The following DCTN1 variants were observed in gnomAD, a reference collection of about 807,000 sequenced individuals.
DCTN1 encodes the protein dynactin subunit 1.
A neutral mutation model predicts 161.2 loss-of-function variants in DCTN1; 61 were observed. That is an observed-to-expected ratio of 0.38 (90% CI 0.31 to 0.47). The LOEUF (loss-of-function observed/expected upper bound fraction) is 0.47, where lower values mean the gene tolerates loss of function less well. DCTN1 is among the 20% of genes least tolerant of loss of function. The pLI is 0.99. For synonymous variants in DCTN1, 653 were observed against 632.4 expected, an observed-to-expected ratio of 1.03 and a Z score of -0.49; for missense variants, 1,404 against 1,623.7, an observed-to-expected ratio of 0.86 and a Z score of 2.33.
chr2:74,371,284 G>C (rs1174028051), intron 8 of DCTN1, 108 bp from the exon 9 acceptor site: 4 of 1,601,712 alleles, frequency 2.5e-6, no homozygotes, highest in Non-Finnish European at 3.4e-6. Context: ...CCCAGCCCCA[G>C]GGTGGCCAAC....
rs369249351 is a variant in DCTN1, at chr2:74,366,306, T to C, written c.2698A>G (p.Met900Val). 2.5e-6 allele frequency: 4 copies of C among 1,614,120 alleles called. No individual in the cohort carries two copies. Among genetic ancestry groups the C allele is most frequent in the African/African-American group, 1.3e-5 (1 of 74,938 alleles). Residue 900 changes from methionine (M) to valine (V), a missense_variant, in exon 23 of 32, where the codon ATG (methionine) becomes GTG (valine). Met to Val is a conservative substitution (Grantham distance 21). This residue lies in a region of DCTN1 where 475 missense variants were observed against 489.8 expected (regional missense o/e 0.97). Coordinates refer to ENST00000628224, the MANE Select transcript of DCTN1 (RefSeq NM_004082.5). Reference sequence around the variant, plus strand: ...TGCATGGCTGTGGCCAGCTTGTTCATGGTACTGATGAGGATGTTGCATGAC... The same window carrying C: ...TGCATGGCTGTGGCCAGCTTGTTCACGGTACTGATGAGGATGTTGCATGAC... ...RQSCNILIST[M>V]NKLATAMQEG...
At chr2:74,374,612 G>A in intron 5 of DCTN1, 2 of 1,258,072 alleles carry the variant, frequency 1.6e-6, no homozygotes, top group South Asian at 1.5e-5. Flanking sequence ...GGCTCCGGCA[G>A]GCACCGGAGC....
In DCTN1 at chr2:74,377,703, T is replaced by C. The variant is rs984228363; in HGVS notation, c.303A>G (p.Ala101=). The C allele has an allele frequency of 2.5e-6, 4 of 1,614,000 alleles. No homozygotes were observed. The African/African-American group carries it at 5.3e-5, about 22-fold the overall frequency. ...QSQIQVFEDG[A]DTTSPETPDS... ...CAGGTGTCTCTGGGGAAGTAGTATC[T>C]GCTCCATCTTCAAATACCTGGATCT... Residue 101 remains alanine, a synonymous_variant, in exon 3 of 32, where the codon GCA becomes GCG. Transcript: ENST00000628224.
chr2:74,373,359 C>T (rs1164977079), intron 6 of DCTN1: 1 of 314,876 alleles, frequency 3.2e-6, no homozygotes, highest in East Asian at 7.3e-5. Flanking sequence ...CTCCCAAGGA[C>T]TTTCCCAGGT....
chr2:74,377,954 C>T, intron 2 of DCTN1, 46 bp downstream of exon 2: 1 of 1,610,910 alleles, frequency 6.2e-7, no homozygotes, highest in African/African-American at 1.3e-5. Context: ...GCACATGCGA[C>T]AGACATGTGC....
At chr2:74,382,277 A>C (rs1229124637), upstream of DCTN1, among the ~76,000 whole-genome samples, 9 of 152,208 alleles carry the variant, frequency 5.9e-5, no homozygotes, top group Non-Finnish European at 7.3e-5. Context: ...CGTCAGTATC[A>C]TGAGGTTCAA....
upstream of DCTN1, among the ~76,000 whole-genome samples, chr2:74,382,594 C>CA (rs567355218): frequency 0.26 from 17,085 of 66,482 alleles, 1,748 homozygotes; most frequent in East Asian, 0.56. Flanking sequence ...GACTGAGACT[C>CA]AAAAAAAAAA....
Position 74,364,696 on chromosome 2 carries a change from G to C in DCTN1, c.3196+379C>G, listed in dbSNP as rs1197508601. The C allele has an allele frequency of 4.1e-5, 14 of 339,354 alleles. No individual in the cohort carries two copies. In the East Asian group the frequency reaches 1.0e-3, roughly 25 times the overall value. 21.0% of individuals were successfully genotyped at this position (339,354 alleles called of 1,614,324 possible). ...AGTGTCCAAGCAGAGAAGCAATCAAGAGCAGGTATCGGGCAGGGCTGGATG... is the reference window on the plus strand; with the variant it reads ...AGTGTCCAAGCAGAGAAGCAATCAACAGCAGGTATCGGGCAGGGCTGGATG... On this transcript the variant is annotated intron_variant, in intron 26 of 31. Coordinates refer to ENST00000628224, the MANE Select transcript of DCTN1 (RefSeq NM_004082.5).
At chr2:74,367,217 C>T (rs925968296) in intron 19 of DCTN1, 110 bp from the exon 20 acceptor site, 1 of 1,528,584 alleles carries the variant, frequency 6.5e-7, no homozygotes. Context: ...TAAGTAGGTC[C>T]TCTAGTTTCC....
At chr2:74,381,933 G>A (rs374139238), upstream of DCTN1, among the ~76,000 whole-genome samples, 1 of 152,180 alleles carries the variant, frequency 6.6e-6, no homozygotes, top group African/African-American at 2.4e-5. Context: ...CCCATTGAGA[G>A]GTTGGCCAGG....
chr2:74,368,774 T>A lies in DCTN1; in HGVS notation c.1808A>T (p.His603Leu). The change falls in exon 16 of 32, where the codon CAT (histidine) becomes CTT (leucine). Residue 603 changes from histidine to leucine, a missense_variant. By Grantham distance (99) the His-to-Leu change is moderately conservative. This residue lies in a region of DCTN1 where 278 missense variants were observed against 363.8 expected (regional missense o/e 0.76). Transcript: ENST00000628224. ...GAGCAACAGCACCAGAACGCAGTCA[T>A]GGTCCCCACCTGGCCGAAGGAAGCT... ...PDSFLRPGGD[H>L]DCVLVLLLMP... 6.2e-7 allele frequency: 1 copy of A among 1,614,262 alleles called. No homozygotes were observed. Among genetic ancestry groups the A allele is most frequent in the Non-Finnish European group, 8.5e-7 (1 of 1,180,050 alleles).
Position 74,370,750 on chromosome 2 carries a change from C to A in DCTN1, c.919G>T (p.Ala307Ser), listed in dbSNP as rs764769564. 2 of 1,614,236 alleles carry A rather than the reference C, an allele frequency of 1.2e-6. No individual in the cohort carries two copies. The highest frequency in any genetic ancestry group is 2.2e-5 in the South Asian group (2 of 91,086). ...TCAGCCATCTCCTTGTCCAAAGTGG[C>A]CATCTCAATGGCATCAGCAGTATCA... ...MADTADAIEMATLDKEMAEER... is the reference protein window; with the variant it reads ...MADTADAIEMSTLDKEMAEER... Residue 307 changes from alanine to serine, a missense_variant, in exon 10 of 32, where the codon GCC (alanine) becomes TCC (serine). Ala to Ser is a moderately conservative substitution (Grantham distance 99). Coordinates refer to ENST00000628224, the MANE Select transcript of DCTN1 (RefSeq NM_004082.5). This position sits in a 1 kb window ranked among gnomAD's most constrained non-coding sequence, Gnocchi z 4.4.
upstream of DCTN1, among the ~76,000 whole-genome samples, chr2:74,384,494 A>G (rs1675643775): frequency 6.6e-6 from 1 of 152,052 alleles, no homozygotes; most frequent in Admixed American, 6.5e-5. Flanking sequence ...ATACCACTAA[A>G]ATATCTAGAA....
chr2:74,361,362 G>A lies in DCTN1; in HGVS notation c.*137C>T. ...AAGGTGAAGGGGCAGGACGCTGAAA[G>A]GGTGGGAGTGAAGCTGAACGGGGCA... On this transcript the variant is annotated 3_prime_UTR_variant, in exon 32 of 32. Transcript: ENST00000628224. 1 of 1,227,834 alleles carries A rather than the reference G, an allele frequency of 8.1e-7. No individual in the cohort carries two copies. The highest frequency in any genetic ancestry group is 1.5e-5 in the African/African-American group (1 of 67,502). The allele number at this position is 1,227,834 out of a possible 1,614,324, so 76.1% of individuals were successfully genotyped here. A position where few individuals can be genotyped will look rare whatever the true frequency, so the allele number is the denominator to read the frequency against.
upstream of DCTN1, chr2:74,383,932 T>C (rs1206319253): frequency 6.6e-6 from 1 of 152,230 alleles, no homozygotes; most frequent in Non-Finnish European, 1.5e-5. Context: ...CATTCATTAT[T>C]TTAAGGGAAT....
Position 74,378,203 on chromosome 2 carries a change from G to A in DCTN1, c.76C>T (p.Pro26Ser). Reference sequence around the variant, plus strand: ...TCTACACGGGAGCCCACCCGCAGAGGCCGGGCGCTTGCCTCCGCACTCATC... The same window carrying A: ...TCTACACGGGAGCCCACCCGCAGAGACCGGGCGCTTGCCTCCGCACTCATC... ...SRMSAEASAR[P>S]LRVGSRVEVI... The change falls in exon 2 of 32, where the codon CCT (proline) becomes TCT (serine). Residue 26 changes from proline (P) to serine (S), a missense_variant. By Grantham distance (74) the Pro-to-Ser change is moderately conservative. Transcript: ENST00000628224. The A allele has an allele frequency of 3.1e-6, 5 of 1,612,524 alleles. No homozygotes were observed. The highest frequency in any genetic ancestry group is 4.2e-6 in the Non-Finnish European group (5 of 1,180,040).
rs1156570768 is a variant in DCTN1 at position 74,371,666 on chromosome 2, T to C, written c.516A>G (p.Ser172=). The change falls in exon 8 of 32, where the codon TCA becomes TCG. Residue 172 remains serine, a synonymous_variant. Coordinates refer to ENST00000628224, the MANE Select transcript of DCTN1 (RefSeq NM_004082.5). ...TGCTGCTCAGCTCACCTGCTGACGC[T>C]GAGCCAGAGGGGCCCAGGGAGCTAC... is the stretch of plus-strand genomic sequence containing the variant. The part of the protein sequence containing the change: ...GASSSLGPSG[S]ASAGELSSSE... The C allele has an allele frequency of 1.2e-6, 2 of 1,601,706 alleles. No individual in the cohort carries two copies. The highest frequency in any genetic ancestry group is 1.7e-6 in the Non-Finnish European group (2 of 1,175,474).
chr2:74,378,237 G>A lies in DCTN1; in HGVS notation c.42C>T (p.Ser14=), dbSNP rs535554555. 65 of 1,607,932 alleles carry A rather than the reference G, an allele frequency of 4.0e-5. No homozygotes were observed. The highest frequency in any genetic ancestry group is 4.9e-5 in the Non-Finnish European group (58 of 1,180,004). ...TTGCCTCCGCACTCATCCTGCTGCCGCTGGGCGTCTGAAAGACACAGGTAA... is the reference window on the plus strand; with the variant it reads ...TTGCCTCCGCACTCATCCTGCTGCCACTGGGCGTCTGAAAGACACAGGTAA... ...SKRHVYSRTP[S]GSRMSAEASA... is the part of the protein sequence containing the mutation. Residue 14 remains serine, a synonymous_variant, in exon 2 of 32, where the codon AGC becomes AGT. Coordinates refer to ENST00000628224, the MANE Select transcript of DCTN1 (RefSeq NM_004082.5).
At chr2:74,371,305 A>C in intron 8 of DCTN1, 129 bp from the exon 9 acceptor site, 2 of 1,588,478 alleles carry the variant, frequency 1.3e-6, no homozygotes, top group Non-Finnish European at 1.7e-6. Flanking sequence ...AGTCAGTGGC[A>C]TAAGAACATC....
Sources: gnomAD v4.1 joint callset for allele counts (sites outside exome capture counted in the v4.1 genomes callset) on GRCh38, gnomAD v4.1.1 for gene constraint, gnomAD v4.1.1 regional missense constraint, Gnocchi (gnomAD v3.1) non-coding constraint, MANE v1.5 for transcripts, NCBI Gene and HGNC (gene_info 2026-07-23, HGNC 2026-07-21) for gene names.